The following ATRN variants were observed in gnomAD, a reference collection of about 807,000 sequenced individuals.
The protein encoded by ATRN is attractin-2.
In ATRN, 54 loss-of-function variants were observed where a neutral mutation model predicts 178.7. The ratio of observed to expected loss-of-function variants is 0.30; its 90% CI spans 0.24 to 0.38. The LOEUF (loss-of-function observed/expected upper bound fraction) is 0.38. Ranked by LOEUF, ATRN falls within the 10% of genes least tolerant of loss-of-function variation. ATRN has a pLI of 1.00. For synonymous variants in ATRN, 636 were observed against 663.0 expected, an observed-to-expected ratio of 0.96 and a Z score of 0.63; for missense variants, 1,443 against 1,815.1, an observed-to-expected ratio of 0.79 and a Z score of 3.73.
chr20:3,528,962 A>G (rs1462619935), intron 1 of ATRN, among the ~76,000 whole-genome samples: 1 of 151,876 alleles, frequency 6.6e-6, no homozygotes, highest in East Asian at 1.9e-4. Context: ...ACAGGCGCAT[A>G]CCACCACACT....
chr20:3,506,708 A>G (rs2085049670), intron 1 of ATRN, among the ~76,000 whole-genome samples: 2 of 152,026 alleles, frequency 1.3e-5, no homozygotes, highest in South Asian at 4.2e-4. Context: ...TAGTGGACAC[A>G]CACACACACA....
At chr20:3,544,217 A>T (rs1349722211) in intron 3 of ATRN, among the ~76,000 whole-genome samples, 3 of 152,132 alleles carry the variant, frequency 2.0e-5, no homozygotes, top group Admixed American at 2.0e-4. Flanking sequence ...CCATGCCCTT[A>T]TCAGAATGCC....
Position 3,583,947 on chromosome 20 carries a change from A to G in ATRN, c.2814A>G (p.Ala938=). 6.2e-7 allele frequency: 1 copy of G among 1,614,254 alleles called. No homozygotes were observed. Among genetic ancestry groups the G allele is most frequent in the East Asian group, 2.2e-5 (1 of 44,886 alleles). ...GGACACCATGTGCCTTGAGGACAGC[A>G]TGTGGAGATTGCACCAGCGGCAGCT... The part of the protein sequence containing the change: ...QCRTPCALRT[A]CGDCTSGSSE... Residue 938 remains alanine, a synonymous_variant, in exon 17 of 29, where the codon GCA becomes GCG. Transcript: ENST00000262919.
intron 1 of ATRN, among the ~76,000 whole-genome samples, chr20:3,499,497 T>C (rs2084926707): frequency 1.3e-5 from 2 of 150,840 alleles, no homozygotes; most frequent in African/African-American, 2.4e-5. Context: ...TATAGATCAA[T>C]GGAACAGAAC....
intron 18 of ATRN, among the ~76,000 whole-genome samples, chr20:3,588,056 A>G (rs2086383204): frequency 6.6e-6 from 1 of 152,166 alleles, no homozygotes; most frequent in African/African-American, 2.4e-5. Flanking sequence ...CATGTTGCCC[A>G]GGCTGGTCTT....
chr20:3,498,156 C>G (rs1488490659), intron 1 of ATRN, among the ~76,000 whole-genome samples: 1 of 152,112 alleles, frequency 6.6e-6, no homozygotes, highest in Non-Finnish European at 1.5e-5. Context: ...TCTGAATAGA[C>G]CAATAACAGG....
intron 1 of ATRN, among the ~76,000 whole-genome samples, chr20:3,492,863 G>A (rs905211708): frequency 6.5e-5 from 8 of 123,490 alleles, no homozygotes; most frequent in African/African-American, 1.1e-4. Flanking sequence ...AGGCGCGCGC[G>A]CGCGTGCGCA....
At chr20:3,592,907 A>G (rs1269535116) in intron 19 of ATRN, among the ~76,000 whole-genome samples, 2 of 152,228 alleles carry the variant, frequency 1.3e-5, no homozygotes, top group Admixed American at 6.5e-5. Flanking sequence ...GTTCTTGCTC[A>G]GATTAAAAGG....
In ATRN at chr20:3,632,836, A is replaced by G. The variant is rs1051569844; in HGVS notation, c.3864-1475A>G. Among the ~76,000 whole-genome samples the G allele has an allele frequency of 1.3e-5, 2 of 152,248 alleles. No individual in the cohort carries two copies. The highest frequency in any genetic ancestry group is 6.5e-5 in the Admixed American group (1 of 15,284). On this transcript the variant is annotated intron_variant, in intron 25 of 28. Transcript: ENST00000262919. This position sits in a 1 kb window ranked among gnomAD's most constrained non-coding sequence, Gnocchi z 4.2. The stretch of plus-strand genomic sequence containing the variant: ...TGAGCCTAGAACAGGACCTGACCCA[A>G]TTAAAGTATTGATTAAAAAGACAAT...
chr20:3,519,006 T>TATAAA (rs770584938), intron 1 of ATRN, among the ~76,000 whole-genome samples: 11 of 119,476 alleles, frequency 9.2e-5, no homozygotes, highest in Admixed American at 2.6e-4. Context: ...TCCTTATATA[T>TATAAA]AAAAAAAAAA....
intron 4 of ATRN, among the ~76,000 whole-genome samples, chr20:3,546,411 A>C (rs1346653853): frequency 1.4e-5 from 1 of 70,780 alleles, no homozygotes; most frequent in Non-Finnish European, 2.7e-5. Context: ...TTTTTTTTTG[A>C]GACGGAGTCT....
At chr20:3,554,417 GC>G (rs1390924104) in intron 6 of ATRN, among the ~76,000 whole-genome samples, 1 of 151,676 alleles carries the variant, frequency 6.6e-6, no homozygotes, top group Non-Finnish European at 1.5e-5. Context: ...CTCACTGCAG[GC>G]TCCGCCTCCC....
chr20:3,498,398 A>T (rs532521788), intron 1 of ATRN, among the ~76,000 whole-genome samples: 1 of 152,194 alleles, frequency 6.6e-6, no homozygotes, highest in African/African-American at 2.4e-5. Context: ...ATTTTAGACC[A>T]ATATCCTTGA....
intron 11 of ATRN, 80 bp downstream of exon 11, chr20:3,565,512 A>T: frequency 8.0e-7 from 1 of 1,249,804 alleles, no homozygotes; most frequent in South Asian, 1.2e-5. Flanking sequence ...TCACGCCTGT[A>T]ATTCTGGCAC....
chr20:3,490,256 A>G, intron 1 of ATRN: 1 of 1,418,176 alleles, frequency 7.1e-7, no homozygotes, highest in Non-Finnish European at 1.0e-6. Flanking sequence ...CAGAGAGGCC[A>G]ACTCCTCCCA....
At chr20:3,580,502 T>A (rs2086267896) in intron 15 of ATRN, among the ~76,000 whole-genome samples, 1 of 152,130 alleles carries the variant, frequency 6.6e-6, no homozygotes, top group Non-Finnish European at 1.5e-5. Context: ...GAGCCCAGAT[T>A]TTTATGGAAA....
intron 1 of ATRN, among the ~76,000 whole-genome samples, chr20:3,511,465 T>C (rs2085126824): frequency 6.6e-6 from 1 of 152,016 alleles, no homozygotes; most frequent in Admixed American, 6.6e-5. Flanking sequence ...AGCTACATTT[T>C]CAGTTTGTTT....
intron 2 of ATRN, among the ~76,000 whole-genome samples, chr20:3,538,185 A>G (rs1201052453): frequency 6.7e-6 from 1 of 149,992 alleles, no homozygotes; most frequent in Non-Finnish European, 1.5e-5. Flanking sequence ...TAATAACATT[A>G]GAAGTTTTTA....
intron 1 of ATRN, among the ~76,000 whole-genome samples, chr20:3,476,360 A>G (rs923347628): frequency 2.0e-5 from 3 of 152,094 alleles, no homozygotes; most frequent in Admixed American, 2.0e-4. Context: ...TTATTATACC[A>G]TTTGGCGTCT....
Sources: gnomAD v4.1 joint callset for allele counts (sites outside exome capture counted in the v4.1 genomes callset) on GRCh38, gnomAD v4.1.1 for gene constraint, Gnocchi (gnomAD v3.1) non-coding constraint, MANE v1.5 for transcripts, NCBI Gene and HGNC (gene_info 2026-07-23, HGNC 2026-07-21) for gene names.